SYNE1: variants seen among roughly 807,000 people sequenced by gnomAD.
The protein encoded by SYNE1 is spectrin repeat containing nuclear envelope protein 1.
A neutral mutation model predicts 1,111.0 loss-of-function variants in SYNE1; 616 were observed. The ratio of observed to expected loss-of-function variants is 0.55; its 90% CI spans 0.52 to 0.59. SYNE1 has a LOEUF of 0.59. Ranked by LOEUF, SYNE1 falls within the 20% of genes least tolerant of loss-of-function variation. The pLI, the probability that SYNE1 is intolerant of heterozygous loss-of-function variation, is 0.00. For synonymous variants in SYNE1, 3,855 were observed against 3,825.8 expected (o/e 1.01, Z -0.28); for missense variants, 10,006 against 10,417.0 (o/e 0.96, Z 1.72).
intron 58 of SYNE1, chr6:152,376,094 T>G: frequency 2.8e-6 from 1 of 355,588 alleles, no homozygotes; most frequent in Non-Finnish European, 5.3e-6. Flanking sequence ...TCATCAGGCA[T>G]TAGTTAGATT....
chr6:152,269,666 A>G, intron 98 of SYNE1, among the ~76,000 whole-genome samples: 1 of 152,184 alleles, frequency 6.6e-6, no homozygotes, highest in East Asian at 1.9e-4. Context: ...AATGATCATT[A>G]CCCACAATAA....
At chr6:152,169,188 G>C (rs982553731) in intron 130 of SYNE1, among the ~76,000 whole-genome samples, 1 of 152,150 alleles carries the variant, frequency 6.6e-6, no homozygotes, top group East Asian at 1.9e-4. Flanking sequence ...ATGATGATTT[G>C]TAACTAAAAT....
At position 152,331,146 on chromosome 6, in the gene SYNE1, A is replaced by G; in HGVS notation, c.13539T>C (p.Leu4513=). ...LKTYQNEVTG[L]WAQGRELMKE... ...TCATTAGTTCGCGACCCTGGGCCCA[A>G]AGTCCAGTGACTTCATTTTGGTAAG... The change falls in exon 78 of 146, where the codon CTT becomes CTC. Residue 4513 remains leucine, a synonymous_variant. Transcript: ENST00000367255. The G allele has an allele frequency of 6.2e-7, 1 of 1,614,058 alleles. No individual in the cohort carries two copies. Among genetic ancestry groups the G allele is most frequent in the South Asian group, 1.1e-5 (1 of 91,068 alleles).
intron 74 of SYNE1, 63 bp downstream of exon 74, chr6:152,344,018 C>T (rs1318942168): frequency 6.2e-7 from 1 of 1,608,910 alleles, no homozygotes; most frequent in Admixed American, 1.7e-5. Flanking sequence ...AGGTACTTCA[C>T]ACATTTTCAC....
At chr6:152,221,392 T>C (rs1242773875) in intron 118 of SYNE1, 34 bp downstream of exon 118, 1 of 1,610,506 alleles carries the variant, frequency 6.2e-7, no homozygotes, top group East Asian at 2.2e-5. Flanking sequence ...AAGGCTGTGA[T>C]ATAAATAGTG....
In SYNE1 at chr6:152,176,576, C is replaced by T. The variant is rs746111875; in HGVS notation, c.23461-16G>A. The T allele has an allele frequency of 1.9e-6, 3 of 1,613,046 alleles. No homozygotes were observed. The African/African-American group carries it at 4.0e-5, about 22-fold the overall frequency. On this transcript the variant is annotated splice_polypyrimidine_tract_variant and intron_variant, in intron 129 of 145. Transcript: ENST00000367255. Reference sequence around the variant, plus strand: ...CTTGATAATCCTGTGTAATAAATAGCAATCACAGAGGTCAGAAAGCATATT... The same window carrying T: ...CTTGATAATCCTGTGTAATAAATAGTAATCACAGAGGTCAGAAAGCATATT...
Position 152,444,436 on chromosome 6 carries a change from G to T in SYNE1, c.3812C>A (p.Ala1271Glu). The change falls in exon 30 of 146, where the codon GCA becomes GAA. Residue 1271 changes from alanine to glutamate, a missense_variant. This residue lies in a region of SYNE1 where 1,971 missense variants were observed against 2,084.1 expected (regional missense o/e 0.95). Coordinates refer to ENST00000367255, the MANE Select transcript of SYNE1 (RefSeq NM_182961.4). Reference protein sequence around the residue: ...KILDTENLFEAQQLLLHHQQK... With the variant: ...KILDTENLFEEQQLLLHHQQK... ...CTGGTGATGAAGAAGTAACTGCTGTGCTTCAAACAGATTTTCAGTATCCAA... is the reference window on the plus strand; with the variant it reads ...CTGGTGATGAAGAAGTAACTGCTGTTCTTCAAACAGATTTTCAGTATCCAA... 1 of 1,613,868 alleles carries T rather than the reference G, an allele frequency of 6.2e-7. No individual in the cohort carries two copies. The highest frequency in any genetic ancestry group is 8.5e-7 in the Non-Finnish European group (1 of 1,179,942).
rs142222098 is a variant in SYNE1, at chr6:152,444,553, C to T, written c.3695G>A (p.Gly1232Glu). 12 of 1,612,256 alleles carry T rather than the reference C, an allele frequency of 7.4e-6. No homozygotes were observed. The African/African-American group carries it at 1.3e-4, about 18-fold the overall frequency. Residue 1232 changes from glycine to glutamate, a missense_variant, in exon 30 of 146, where the codon GGG (glycine) becomes GAG (glutamate). By Grantham distance (98) the Gly-to-Glu change is moderately conservative. Coordinates refer to ENST00000367255, the MANE Select transcript of SYNE1 (RefSeq NM_182961.4). The part of the protein sequence containing the change: ...SEVEKMLSNF[G>E]DCVQYKEIVK... ...TATTTCTTTGTACTGGACACAGTCC[C>T]CAAAATTGCTTAGCATCTTTTCAAC...
chr6:152,259,565 C>T (rs13211046), intron 101 of SYNE1, among the ~76,000 whole-genome samples: 10,776 of 152,228 alleles, frequency 0.071, 443 homozygotes, highest in East Asian at 0.13. Context: ...ACAGAGATAT[C>T]GGCTTCCTGA....
intron 117 of SYNE1, 113 bp from the exon 118 acceptor site, chr6:152,221,672 C>T: frequency 7.4e-7 from 1 of 1,355,968 alleles, no homozygotes; most frequent in Non-Finnish European, 1.0e-6. Context: ...TTGTATAAAC[C>T]AGGCATGACT....
At position 152,129,977 on chromosome 6, in the gene SYNE1, C is replaced by T. The variant is rs972834444; in HGVS notation, c.26153+743G>A. Among the ~76,000 whole-genome samples, 6 of 152,268 alleles carry T rather than the reference C, an allele frequency of 3.9e-5. No homozygotes were observed. The East Asian group carries it at 9.7e-4, about 25-fold the overall frequency. On this transcript the variant is annotated intron_variant, in intron 145 of 145. Transcript: ENST00000367255. ...CAGAGGAGCACAGACACCACACCGA[C>T]AACAAAGAAGGCAAAGCACTGCTAA...
At position 152,278,271 on chromosome 6, in the gene SYNE1, C is replaced by G; in HGVS notation, c.18391G>C (p.Val6131Leu). Residue 6131 changes from valine (V) to leucine (L), a missense_variant, in exon 98 of 146, where the codon GTG becomes CTG. Val to Leu is a conservative substitution (Grantham distance 32, BLOSUM62 1). Coordinates refer to ENST00000367255, the MANE Select transcript of SYNE1 (RefSeq NM_182961.4). The stretch of plus-strand genomic sequence containing the variant: ...GCCACCACCTTCTGCTCTATTTCCA[C>G]CAGCATATTCTGCAGCAACAGAAAT... ...AQLMDCQNMLVEIEQKVVALS... is the reference protein window; with the variant it reads ...AQLMDCQNMLLEIEQKVVALS... 1 of 1,614,094 alleles carries G rather than the reference C, an allele frequency of 6.2e-7. No individual in the cohort carries two copies. Among genetic ancestry groups the G allele is most frequent in the Non-Finnish European group, 8.5e-7 (1 of 1,180,018 alleles).
At chr6:152,384,712 C>T (rs2097494478) in intron 55 of SYNE1, among the ~76,000 whole-genome samples, 1 of 151,954 alleles carries the variant, frequency 6.6e-6, no homozygotes, top group Non-Finnish European at 1.5e-5. Flanking sequence ...CCCGTCTCTA[C>T]TAAAATAAAT....
chr6:152,498,888 C>A (rs1430083149), intron 10 of SYNE1, 96 bp from the exon 11 acceptor site: 3 of 644,098 alleles, frequency 4.7e-6, no homozygotes, highest in African/African-American at 3.8e-5. Context: ...AAGGCATCCG[C>A]CTTTAGAGAA....
intron 138 of SYNE1, among the ~76,000 whole-genome samples, chr6:152,142,075 T>C (rs1346782549): frequency 1.3e-5 from 2 of 151,756 alleles, no homozygotes; most frequent in African/African-American, 4.8e-5. Flanking sequence ...ACCCTGTCTC[T>C]TAAAAAAAAA....
chr6:152,555,127 C>T (rs149860613), intron 3 of SYNE1, among the ~76,000 whole-genome samples: 2 of 152,240 alleles, frequency 1.3e-5, no homozygotes, highest in East Asian at 3.9e-4. Context: ...AAAATAGAGA[C>T]TCTTGATTTT....
At chr6:152,339,182 A>G in intron 75 of SYNE1, 59 bp downstream of exon 75, 1 of 1,601,170 alleles carries the variant, frequency 6.2e-7, no homozygotes, top group African/African-American at 1.3e-5. Flanking sequence ...CACATGAAAC[A>G]TTCAAGCAAG....
At chr6:152,512,770 C>T (rs868485024) in intron 6 of SYNE1, among the ~76,000 whole-genome samples, 5 of 152,214 alleles carry the variant, frequency 3.3e-5, no homozygotes, top group Middle Eastern at 6.8e-3. Flanking sequence ...GTTTAGGGAG[C>T]ACAGGTTGGT....
At chr6:152,235,313 C>T (rs2083749327) in intron 110 of SYNE1, among the ~76,000 whole-genome samples, 1 of 152,160 alleles carries the variant, frequency 6.6e-6, no homozygotes, top group East Asian at 1.9e-4. Context: ...CTGCTCACTT[C>T]TAATTATATG....
Sources: allele counts gnomAD v4.1 joint callset (sites outside exome capture counted in the v4.1 genomes callset), GRCh38; gene constraint gnomAD v4.1.1; regional missense constraint gnomAD v4.1.1; transcripts MANE v1.5; gene names NCBI Gene and HGNC (gene_info 2026-07-23, HGNC 2026-07-21).